The following IL1RAPL1 variants were observed in gnomAD, a reference collection of about 807,000 sequenced individuals.
The protein encoded by IL1RAPL1 is interleukin-1 receptor accessory protein-like 1.
In IL1RAPL1, 3 loss-of-function variants were observed where a neutral mutation model predicts 48.4. The ratio of observed to expected loss-of-function variants is 0.06; its 90% CI spans 0.03 to 0.16. The LOEUF (loss-of-function observed/expected upper bound fraction) is 0.16, where lower values mean the gene tolerates loss of function less well. Ranked by LOEUF, IL1RAPL1 falls within the 10% of genes least tolerant of loss-of-function variation. The pLI is 1.00. For synonymous variants in IL1RAPL1, 185 were observed against 187.7 expected (o/e 0.99, Z 0.12); for missense variants, 349 against 530.6 (o/e 0.66, Z 3.36).
At chrX:28,655,098 A>T (rs1485730818) in intron 1 of IL1RAPL1, among the ~76,000 whole-genome samples, 1 of 111,172 alleles carries the variant, frequency 9.0e-6, no homozygotes, top group Non-Finnish European at 1.9e-5. Flanking sequence ...AAAGAAATTA[A>T]ACTCATGACC....
chrX:29,331,655 TG>T (rs1177173994), intron 3 of IL1RAPL1, among the ~76,000 whole-genome samples: 1 of 112,396 alleles, frequency 8.9e-6, no homozygotes. Flanking sequence ...TCGCATCTGT[TG>T]TAACATGGTG....
chrX:29,167,053 G>C (rs995862470), intron 2 of IL1RAPL1, among the ~76,000 whole-genome samples: 2 of 111,773 alleles, frequency 1.8e-5, no homozygotes, highest in African/African-American at 6.5e-5. Flanking sequence ...GGAATTTATT[G>C]ATTTTGTTGA....
intron 1 of IL1RAPL1, among the ~76,000 whole-genome samples, chrX:28,773,723 A>G (rs896573793): frequency 1.8e-5 from 2 of 111,638 alleles, no homozygotes; most frequent in African/African-American, 6.5e-5. Flanking sequence ...TCACCAATTT[A>G]TCTCTCAATA....
At chrX:28,745,002 C>T (rs1372687049) in intron 1 of IL1RAPL1, among the ~76,000 whole-genome samples, 4 of 111,325 alleles carry the variant, frequency 3.6e-5, no homozygotes, top group Non-Finnish European at 7.5e-5. Context: ...ACACACCTTT[C>T]GTAAATATAC....
intron 3 of IL1RAPL1, among the ~76,000 whole-genome samples, chrX:29,385,519 C>T (rs1299664011): frequency 8.9e-6 from 1 of 112,504 alleles, no homozygotes. Flanking sequence ...CTTCCTCCCA[C>T]CAGCTCCTGG....
At chrX:29,602,381 CTG>C (rs1923754632) in intron 5 of IL1RAPL1, among the ~76,000 whole-genome samples, 1 of 112,026 alleles carries the variant, frequency 8.9e-6, no homozygotes, top group Non-Finnish European at 1.9e-5. Context: ...ACGTTCCACA[CTG>C]TGTTTTTGAC....
intron 2 of IL1RAPL1, among the ~76,000 whole-genome samples, chrX:28,946,552 A>G (rs371777619): frequency 9.0e-5 from 10 of 111,579 alleles, no homozygotes; most frequent in South Asian, 3.7e-4. Context: ...AAGCATTCAA[A>G]TGAGCCATAA....
chrX:29,381,393 C>A (rs1366583419), intron 3 of IL1RAPL1, among the ~76,000 whole-genome samples: 1 of 99,108 alleles, frequency 1.0e-5, no homozygotes, highest in African/African-American at 3.8e-5. Context: ...GGTAGCACAT[C>A]CCTATAACCC....
rs150540769 is a variant in IL1RAPL1 at position 29,316,761 on chromosome X, G to A, written c.362+33544G>A. 9.4e-4 allele frequency among the ~76,000 whole-genome samples: 105 copies of A among 111,701 alleles called. 1 individual carries two copies. The highest frequency in any genetic ancestry group is 3.2e-3 in the African/African-American group (100 of 30,820). On this transcript the variant is annotated intron_variant, in intron 3 of 10. Transcript: ENST00000378993. ...AAGGAATGTTTTAAGTTAAGATAAG[G>A]AAGTCTGTTAATCAATACACTGGGT...
At chrX:29,221,175 G>A (rs1301105839) in intron 2 of IL1RAPL1, among the ~76,000 whole-genome samples, 1 of 111,659 alleles carries the variant, frequency 9.0e-6, no homozygotes, top group Non-Finnish European at 1.9e-5. Flanking sequence ...AGAACTACTG[G>A]TTAACATAGA....
At chrX:29,633,537 T>C (rs893853290) in intron 5 of IL1RAPL1, among the ~76,000 whole-genome samples, 1 of 110,530 alleles carries the variant, frequency 9.0e-6, no homozygotes, top group African/African-American at 3.3e-5. Flanking sequence ...ATATTTAATT[T>C]GTGCTTATAT....
At chrX:29,486,180 G>A (rs761159686) in intron 5 of IL1RAPL1, among the ~76,000 whole-genome samples, 1 of 110,802 alleles carries the variant, frequency 9.0e-6, no homozygotes, top group African/African-American at 3.3e-5. Context: ...ATATGAGAAT[G>A]CCCTGGAAAG....
chrX:29,473,590 CG>C (rs1490149905), intron 5 of IL1RAPL1, among the ~76,000 whole-genome samples: 1 of 89,044 alleles, frequency 1.1e-5, no homozygotes, highest in Non-Finnish European at 2.2e-5. Context: ...CTCACTGCCC[CG>C]CCCCCCACCC....
In IL1RAPL1 at chrX:28,789,354, C is replaced by T. The variant is rs773334103; in HGVS notation, c.11C>T (p.Pro4Leu). MKA[P>L]IPHLILLYAT... ...TTTAAGAGCTGGAAGATGAAAGCTC[C>T]GATTCCACACTTGATTCTCTTATAC... Residue 4 changes from proline to leucine, a missense_variant, in exon 2 of 11, where the codon CCG (proline) becomes CTG (leucine). By Grantham distance (98) the Pro-to-Leu change is moderately conservative. Around this residue, in one of 3 missense-constraint regions of IL1RAPL1, gnomAD observed 238 missense variants for 337.8 expected, o/e 0.70. Transcript: ENST00000378993. 9.4e-5 allele frequency: 113 copies of T among 1,205,768 alleles called. No individual in the cohort carries two copies. The highest frequency in any genetic ancestry group is 1.2e-4 in the Non-Finnish European group (109 of 891,682).
At chrX:29,349,697 C>G (rs1933197288) in intron 3 of IL1RAPL1, among the ~76,000 whole-genome samples, 1 of 110,755 alleles carries the variant, frequency 9.0e-6, no homozygotes, top group African/African-American at 3.3e-5. Flanking sequence ...AGTTCTACAT[C>G]TTGGGACCCT....
At chrX:28,631,836 G>C (rs976460274) in intron 1 of IL1RAPL1, among the ~76,000 whole-genome samples, 2 of 112,114 alleles carry the variant, frequency 1.8e-5, no homozygotes, top group African/African-American at 6.5e-5. Flanking sequence ...TTTGTTTAAC[G>C]TTAAGTGGAA....
chrX:29,472,668 G>A (rs1934933910), intron 5 of IL1RAPL1, among the ~76,000 whole-genome samples: 1 of 111,648 alleles, frequency 9.0e-6, no homozygotes, highest in South Asian at 3.7e-4. Flanking sequence ...GGCTGCCTGG[G>A]TTCAGATCCA....
chrX:29,134,040 A>G (rs1262619479), intron 2 of IL1RAPL1, among the ~76,000 whole-genome samples: 1 of 112,053 alleles, frequency 8.9e-6, no homozygotes, highest in East Asian at 2.8e-4. Flanking sequence ...TTTGCTACTG[A>G]ATAATATTCC....
At chrX:28,807,624 C>T (rs1936747036) in intron 2 of IL1RAPL1, among the ~76,000 whole-genome samples, 1 of 111,237 alleles carries the variant, frequency 9.0e-6, no homozygotes, top group African/African-American at 3.2e-5. Context: ...AAAACTAAGA[C>T]TTCTCTGAAA....
Sources: gnomAD v4.1 joint callset for allele counts (sites outside exome capture counted in the v4.1 genomes callset) on GRCh38, gnomAD v4.1.1 for gene constraint, gnomAD v4.1.1 regional missense constraint, MANE v1.5 for transcripts, NCBI Gene and HGNC (gene_info 2026-07-23, HGNC 2026-07-21) for gene names.